LUZP2: variants seen among roughly 807,000 people sequenced by gnomAD.
LUZP2 encodes the protein leucine zipper protein 2.
Under a neutral mutation model 51.6 loss-of-function variants are expected in LUZP2, and 52 were observed. The observed-to-expected ratio is 1.01, with a 90% confidence interval of 0.81 to 1.27. The LOEUF is 1.27. Ranked by LOEUF, LUZP2 falls within the 50% of genes most tolerant of loss-of-function variation. The pLI is 0.00. For missense variants in LUZP2, 436 were observed against 395.4 expected (o/e 1.10, Z -0.87); for synonymous variants, 154 against 137.3 (o/e 1.12, Z -0.85).
At chr11:24,813,800 G>A (rs148650052) in intron 5 of LUZP2, among the ~76,000 whole-genome samples, 110 of 152,306 alleles carry the variant, frequency 7.2e-4, no homozygotes, top group Non-Finnish European at 1.3e-3. Context: ...TTTATTCTCT[G>A]AGATGCCCCT....
chr11:24,741,546 T>A (rs2133989001), intron 4 of LUZP2, among the ~76,000 whole-genome samples: 1 of 151,866 alleles, frequency 6.6e-6, no homozygotes, highest in East Asian at 1.9e-4. Context: ...CTATTTGTAG[T>A]CTTTTATACC....
At chr11:24,568,427 C>T (rs1239022184) in intron 1 of LUZP2, among the ~76,000 whole-genome samples, 1 of 148,950 alleles carries the variant, frequency 6.7e-6, no homozygotes, top group African/African-American at 2.5e-5. Flanking sequence ...AGGAGAATCA[C>T]TGTAACATGA....
intron 1 of LUZP2, among the ~76,000 whole-genome samples, chr11:24,509,388 C>T (rs1220483019): frequency 1.3e-5 from 2 of 150,062 alleles, no homozygotes; most frequent in Admixed American, 6.7e-5. Context: ...ACACTTGCCT[C>T]GAAATTTGTA....
intron 1 of LUZP2, among the ~76,000 whole-genome samples, chr11:24,583,374 G>C (rs1379456001): frequency 6.6e-6 from 1 of 152,094 alleles, no homozygotes; most frequent in East Asian, 1.9e-4. Flanking sequence ...TTTACACAGG[G>C]ATCTGGATTC....
chr11:24,956,413 C>T (rs1027211849), intron 7 of LUZP2, among the ~76,000 whole-genome samples: 6 of 151,988 alleles, frequency 3.9e-5, no homozygotes, highest in Admixed American at 6.6e-5. Context: ...AATACGTTTT[C>T]GATGTTTTAA....
At chr11:24,745,064 CTGAG>C (rs1172783126) in intron 4 of LUZP2, among the ~76,000 whole-genome samples, 1 of 152,004 alleles carries the variant, frequency 6.6e-6, no homozygotes, top group East Asian at 1.9e-4. Flanking sequence ...CCACTGTGGT[CTGAG>C]AGAGTGTTTG....
intron 7 of LUZP2, among the ~76,000 whole-genome samples, chr11:24,929,996 T>A (rs1854397342): frequency 6.6e-6 from 1 of 152,220 alleles, no homozygotes. Context: ...TGTCTTCGAC[T>A]TTTTTCACTG....
intron 7 of LUZP2, among the ~76,000 whole-genome samples, chr11:24,970,802 T>A (rs955935753): frequency 2.6e-5 from 4 of 152,128 alleles, no homozygotes; most frequent in Admixed American, 2.0e-4. Flanking sequence ...AAGTAACACC[T>A]CCTTGGAGCA....
At chr11:24,963,752 T>C (rs10219343) in intron 7 of LUZP2, among the ~76,000 whole-genome samples, 151,152 of 152,204 alleles carry the variant, frequency 0.99, 75,071 homozygotes, top group Middle Eastern at 1. Flanking sequence ...CTTCGGCTCG[T>C]GCACGGTGCG....
At chr11:24,498,896 A>G (rs1160614726) in intron 1 of LUZP2, among the ~76,000 whole-genome samples, 1 of 152,208 alleles carries the variant, frequency 6.6e-6, no homozygotes, top group Non-Finnish European at 1.5e-5. Context: ...TAGACTGTGA[A>G]CATCTCTAGA....
intron 1 of LUZP2, among the ~76,000 whole-genome samples, chr11:24,681,074 C>T (rs866092742): frequency 1.3e-5 from 2 of 151,592 alleles, no homozygotes; most frequent in Non-Finnish European, 2.9e-5. Flanking sequence ...CTCCGCTTCC[C>T]GGGTTCACGC....
At chr11:25,020,362 C>T (rs1439131807) in intron 9 of LUZP2, among the ~76,000 whole-genome samples, 1 of 152,058 alleles carries the variant, frequency 6.6e-6, no homozygotes, top group Non-Finnish European at 1.5e-5. Context: ...TTAATCTCCC[C>T]ATTTACCCTA....
intron 1 of LUZP2, among the ~76,000 whole-genome samples, chr11:24,596,131 A>G (rs939124944): frequency 6.6e-6 from 1 of 152,174 alleles, no homozygotes; most frequent in African/African-American, 2.4e-5. Context: ...TGCAGCTTCA[A>G]ATGTTACAAC....
At chr11:24,954,502 G>T (rs1029443676) in intron 7 of LUZP2, among the ~76,000 whole-genome samples, 1 of 152,014 alleles carries the variant, frequency 6.6e-6, no homozygotes, top group Non-Finnish European at 1.5e-5. Context: ...GGGAGTGTGG[G>T]TTGCCAACAC....
At chr11:24,741,961 T>C (rs1273672888) in intron 4 of LUZP2, among the ~76,000 whole-genome samples, 2 of 124,660 alleles carry the variant, frequency 1.6e-5, no homozygotes, top group African/African-American at 5.8e-5. Flanking sequence ...ATATATTATA[T>C]ATAAATATAT....
chr11:24,760,065 T>A (rs1039303224), intron 4 of LUZP2, among the ~76,000 whole-genome samples: 2 of 152,126 alleles, frequency 1.3e-5, no homozygotes, highest in South Asian at 4.1e-4. Context: ...GGTGGCAGAA[T>A]GTCCAGCTTC....
intron 10 of LUZP2, among the ~76,000 whole-genome samples, chr11:25,076,067 C>A (rs2134061594): frequency 6.6e-6 from 1 of 151,970 alleles, no homozygotes; most frequent in Non-Finnish European, 1.5e-5. Flanking sequence ...GGTTGGAGTG[C>A]AGTGGCATGA....
intron 7 of LUZP2, among the ~76,000 whole-genome samples, chr11:24,931,751 T>C (rs1854462426): frequency 6.6e-6 from 1 of 152,338 alleles, no homozygotes; most frequent in East Asian, 1.9e-4. Context: ...GAGATTTTTG[T>C]CTTGGTTGAG....
Position 24,976,025 on chromosome 11 carries a change from T to A in LUZP2, c.523-566T>A, listed in dbSNP as rs1855873496. Among the ~76,000 whole-genome samples, 5 of 152,092 alleles carry A rather than the reference T, an allele frequency of 3.3e-5. No homozygotes were observed. The South Asian group carries it at 1.0e-3, about 32-fold the overall frequency. The stretch of plus-strand genomic sequence containing the variant: ...TTTCTGGCGAAGGCTCTTCCTGGCT[T>A]GTAGTCAGTGCCTTCTCTGTCTGCC... On this transcript the variant is annotated intron_variant, in intron 7 of 11. Transcript: ENST00000336930.
Sources: allele counts gnomAD v4.1 joint callset (sites outside exome capture counted in the v4.1 genomes callset), GRCh38; gene constraint gnomAD v4.1.1; transcripts MANE v1.5; gene names NCBI Gene and HGNC (gene_info 2026-07-23, HGNC 2026-07-21).